Variants in SYNE1 observed in about 807,000 individuals in gnomAD.
The protein encoded by SYNE1 is spectrin repeat containing nuclear envelope protein 1, also known as nesprin-1.
A neutral mutation model predicts 1,111.0 loss-of-function variants in SYNE1; 616 were observed. The observed-to-expected ratio is 0.55, with a 90% CI of 0.52 to 0.59. The LOEUF (loss-of-function observed/expected upper bound fraction) is 0.59, where lower values mean the gene tolerates loss of function less well. Among genes scored for constraint, SYNE1 ranks in the 20% least tolerant of loss-of-function variants. The pLI is 0.00. For synonymous variants in SYNE1, 3,855 were observed against 3,825.8 expected (o/e 1.01, Z -0.28); for missense variants, 10,006 against 10,417.0 (o/e 0.96, Z 1.72).
rs79796456 is a variant in SYNE1 at position 152,364,829 on chromosome 6, G to C, written c.10145+18C>G. ...TTTAGTAATAGCTTCCCCAGTGCTT[G>C]GCTGTAGTTTCCCTCACCTTTTACA... On this transcript the variant is annotated intron_variant, in intron 63 of 145. Coordinates refer to ENST00000367255, the MANE Select transcript of SYNE1 (RefSeq NM_182961.4). 2.2e-3 allele frequency: 3,489 copies of C among 1,614,078 alleles called. 64 individuals carry two copies. The African/African-American group carries it at 0.04, about 19-fold the overall frequency.
In SYNE1 at chr6:152,369,761, T is replaced by C. The variant is rs997789358; in HGVS notation, c.9508-147A>G. ...ACTTTGGGTGGCCGAGGTGAGCAGA[T>C]AGCTTGAGCTCAGGAGTTCAAGACC... On this transcript the variant is annotated intron_variant, in intron 59 of 145. Coordinates refer to ENST00000367255, the MANE Select transcript of SYNE1 (RefSeq NM_182961.4). 43 of 897,816 alleles carry C rather than the reference T, an allele frequency of 4.8e-5. No homozygotes were observed. The Admixed American group carries it at 7.8e-4, about 16-fold the overall frequency. The allele number at this position is 897,816 out of a possible 1,614,324, so 55.6% of individuals were successfully genotyped here.
intron 54 of SYNE1, 21 bp downstream of exon 54, chr6:152,387,051 C>G (rs775490059): frequency 6.3e-7 from 1 of 1,599,492 alleles, no homozygotes; most frequent in Non-Finnish European, 8.6e-7. Flanking sequence ...AAAGCATCTA[C>G]TTTCAATATA....
chr6:152,589,913 T>C (rs2099553496), intron 3 of SYNE1, among the ~76,000 whole-genome samples: 1 of 148,570 alleles, frequency 6.7e-6, no homozygotes, highest in South Asian at 2.1e-4. Context: ...CCAGAACCAA[T>C]TTGTCCCTAA....
At chr6:152,151,873 T>C (rs1019268577) in intron 134 of SYNE1, 86 bp downstream of exon 134, 1 of 1,536,376 alleles carries the variant, frequency 6.5e-7, no homozygotes, top group Non-Finnish European at 8.9e-7. Context: ...TCTTACAAAA[T>C]CACTGAGACT....
chr6:152,491,926 A>C (rs1593868788), intron 11 of SYNE1, among the ~76,000 whole-genome samples: 4 of 146,640 alleles, frequency 2.7e-5, no homozygotes, highest in Non-Finnish European at 3.0e-5. Context: ...TCCTTCTATC[A>C]CCTCCCCCTC....
rs1380978506 is a variant in SYNE1, at chr6:152,281,999, G to A, written c.18208-19C>T. On this transcript the variant is annotated intron_variant, in intron 96 of 145. Coordinates refer to ENST00000367255, the MANE Select transcript of SYNE1 (RefSeq NM_182961.4). Reference sequence around the variant, plus strand: ...ACTTCTCCTGTTGAATTCAGTAGAAGGTAATATAGATCACGCTAAGGTAAA... The same window carrying A: ...ACTTCTCCTGTTGAATTCAGTAGAAAGTAATATAGATCACGCTAAGGTAAA... 2 of 1,612,186 alleles carry A rather than the reference G, an allele frequency of 1.2e-6. No individual in the cohort carries two copies. The highest frequency in any genetic ancestry group is 2.7e-5 in the African/African-American group (2 of 74,896).
chr6:152,264,315 T>C (rs1393766704), intron 100 of SYNE1, among the ~76,000 whole-genome samples: 3 of 150,714 alleles, frequency 2.0e-5, no homozygotes, highest in Non-Finnish European at 4.4e-5. Context: ...ACTAAAACCG[T>C]GTCATCTAAA....
At chr6:152,533,642 C>G (rs2154361029) in intron 4 of SYNE1, among the ~76,000 whole-genome samples, 1 of 152,228 alleles carries the variant, frequency 6.6e-6, no homozygotes, top group South Asian at 2.1e-4. Context: ...TAACCTCTAA[C>G]TTATCTCCCT....
chr6:152,562,160 T>C (rs1228308627), intron 3 of SYNE1, among the ~76,000 whole-genome samples: 1 of 151,968 alleles, frequency 6.6e-6, no homozygotes, highest in Non-Finnish European at 1.5e-5. Context: ...AACCACACAA[T>C]TGATAAGGGA....
chr6:152,329,596 G>T, intron 78 of SYNE1, 134 bp downstream of exon 78: 1 of 1,172,814 alleles, frequency 8.5e-7, no homozygotes, highest in Non-Finnish European at 1.2e-6. Flanking sequence ...TTAAGTCACT[G>T]CTGAAGATGC....
At chr6:152,189,622 T>C (rs1264635641) in intron 127 of SYNE1, among the ~76,000 whole-genome samples, 1 of 152,258 alleles carries the variant, frequency 6.6e-6, no homozygotes, top group Non-Finnish European at 1.5e-5. Context: ...ACAAATTTTT[T>C]GGTTTCTCAG....
chr6:152,404,076 T>C lies in SYNE1; in HGVS notation c.6825+137A>G, dbSNP rs2097858007. On this transcript the variant is annotated intron_variant, in intron 46 of 145. Coordinates refer to ENST00000367255, the MANE Select transcript of SYNE1 (RefSeq NM_182961.4). ...GTATATGAGATATATGTATCAGATA[T>C]AGATATATACGAGATATAGATATAT... 3 of 521,652 alleles carry C rather than the reference T, an allele frequency of 5.8e-6. No homozygotes were observed. The South Asian group carries it at 7.8e-5, about 14-fold the overall frequency. 32.3% of individuals were successfully genotyped at this position (521,652 alleles called of 1,614,324 possible).
chr6:152,215,777 G>A (rs2078490118), intron 121 of SYNE1, among the ~76,000 whole-genome samples: 1 of 152,190 alleles, frequency 6.6e-6, no homozygotes, highest in Admixed American at 6.5e-5. Flanking sequence ...TACAAGGGAG[G>A]AAAGGGAGGC....
rs200701182 is a variant in SYNE1, at chr6:152,293,626, G to C, written c.17974C>G (p.Pro5992Ala). The C allele has an allele frequency of 1.8e-4, 289 of 1,614,108 alleles. No individual in the cohort carries two copies. Among genetic ancestry groups the C allele is most frequent in the Admixed American group, 4.7e-4 (28 of 60,024 alleles). ...ATCTGGCTTTCTGGACTCCTGCCAG[G>C]CTCTGGGCTCTCACTGAGTTTCAGC... ...IELKLSESPE[P>A]GRSPESQMAE... Residue 5992 changes from proline to alanine, a missense_variant, in exon 95 of 146, where the codon CCT becomes GCT. Pro to Ala is a conservative substitution (Grantham distance 27). Around this residue, in one of 7 missense-constraint regions of SYNE1, gnomAD observed 4,955 missense variants for 5,017.2 expected, o/e 0.99. Transcript: ENST00000367255.
rs531927185 is a variant in SYNE1, at chr6:152,255,205, A to T, written c.19261-116T>A. ...TCTCTGGCTGCTTAGTAATAATCAG[A>T]CCTAAGACAACTGGAACCTCTTTCA... On this transcript the variant is annotated intron_variant, in intron 103 of 145. Transcript: ENST00000367255. 9 of 901,224 alleles carry T rather than the reference A, an allele frequency of 1.0e-5. No homozygotes were observed. In the East Asian group the frequency reaches 2.4e-4, roughly 24 times the overall value. The allele number at this position is 901,224 out of a possible 1,614,324, so 55.8% of individuals were successfully genotyped here.
At chr6:152,339,092 T>C (rs924903788) in intron 75 of SYNE1, 149 bp downstream of exon 75, 31 of 1,093,104 alleles carry the variant, frequency 2.8e-5, no homozygotes, top group Middle Eastern at 6.4e-4. Flanking sequence ...TTAGCTGAAA[T>C]TCAAATATCT....
intron 12 of SYNE1, among the ~76,000 whole-genome samples, chr6:152,485,370 T>C (rs2098933691): frequency 6.6e-6 from 1 of 152,224 alleles, no homozygotes; most frequent in African/African-American, 2.4e-5. Context: ...TCTTAGCTAA[T>C]AATCAAGATA....
chr6:152,363,285 G>C (rs541988819), intron 63 of SYNE1, among the ~76,000 whole-genome samples: 3 of 147,658 alleles, frequency 2.0e-5, no homozygotes, highest in Admixed American at 6.7e-5. Context: ...ACGAGGTCAG[G>C]AGATCAAGGC....
Position 152,176,526 on chromosome 6 carries a change from T to A in SYNE1, c.23495A>T (p.Asn7832Ile). The change falls in exon 130 of 146, where the codon AAC becomes ATC. Residue 7832 changes from asparagine to isoleucine, a missense_variant. By Grantham distance (149) the Asn-to-Ile change is moderately radical. Coordinates refer to ENST00000367255, the MANE Select transcript of SYNE1 (RefSeq NM_182961.4). Reference sequence around the variant, plus strand: ...TCCCATTTGTTGGAGCTGTATTTTGTTCTCTTGAGCAATAGCAATTTCCTC... The same window carrying A: ...TCCCATTTGTTGGAGCTGTATTTTGATCTCTTGAGCAATAGCAATTTCCTC... ...YQEEIAIAQE[N>I]KIQLQQMGER... is the part of the protein sequence containing the mutation. 6.2e-7 allele frequency: 1 copy of A among 1,614,200 alleles called. No individual in the cohort carries two copies. The highest frequency in any genetic ancestry group is 2.2e-5 in the East Asian group (1 of 44,880).
Sources: allele counts gnomAD v4.1 joint callset (sites outside exome capture counted in the v4.1 genomes callset), GRCh38; gene constraint gnomAD v4.1.1; regional missense constraint gnomAD v4.1.1; transcripts MANE v1.5; gene names NCBI Gene and HGNC (gene_info 2026-07-23, HGNC 2026-07-21).